Variants in TENM1 observed in about 807,000 individuals in gnomAD.
TENM1 encodes the protein teneurin-1.
A neutral mutation model predicts 174.8 loss-of-function variants in TENM1; 35 were observed. That is an observed-to-expected ratio of 0.20 (90% CI 0.15 to 0.27). The LOEUF (loss-of-function observed/expected upper bound fraction) is 0.27, where lower values mean the gene tolerates loss of function less well. Ranked by LOEUF, TENM1 falls within the 10% of genes least tolerant of loss-of-function variation. The probability of loss-of-function intolerance (pLI) is 1.00; values close to 1 mark genes in which losing one functional copy is unlikely to be tolerated. For synonymous variants in TENM1, 781 were observed against 798.7 expected, an observed-to-expected ratio of 0.98 and a Z score of 0.37; for missense variants, 1,633 against 2,130.1, an observed-to-expected ratio of 0.77 and a Z score of 4.59.
intron 11 of TENM1, among the ~76,000 whole-genome samples, chrX:124,602,861 CT>C (rs1379409314): frequency 9.0e-6 from 1 of 111,379 alleles, no homozygotes; most frequent in Non-Finnish European, 1.9e-5. Context: ...GTCATAATTC[CT>C]AAATCCTGTG....
At chrX:124,636,666 A>C (rs1389225238) in intron 11 of TENM1, among the ~76,000 whole-genome samples, 3 of 112,130 alleles carry the variant, frequency 2.7e-5, no homozygotes, top group Non-Finnish European at 5.6e-5. Flanking sequence ...TGAGGGCTGA[A>C]AAGAATGCTA....
the TENM1 span, among the ~76,000 whole-genome samples, chrX:125,035,566 A>T: frequency 1.8e-5 from 2 of 111,176 alleles, no homozygotes; most frequent in Non-Finnish European, 3.8e-5. Flanking sequence ...TATATGCAGC[A>T]ACTCTACTGA....
chrX:125,010,102 T>A, the TENM1 span, among the ~76,000 whole-genome samples: 2 of 111,316 alleles, frequency 1.8e-5, no homozygotes, highest in African/African-American at 3.3e-5. Context: ...TGTTTGCAAA[T>A]GACATGATTC....
chrX:124,603,671 C>G (rs1197974654), intron 11 of TENM1, among the ~76,000 whole-genome samples: 1 of 111,713 alleles, frequency 9.0e-6, no homozygotes, highest in Non-Finnish European at 1.9e-5. Context: ...AACTTATGTT[C>G]TAAATAAGTC....
intron 16 of TENM1, among the ~76,000 whole-genome samples, chrX:124,526,887 A>C (rs1299381920): frequency 8.9e-6 from 1 of 112,236 alleles, no homozygotes; most frequent in Non-Finnish European, 1.9e-5. Flanking sequence ...CTTCTCAAGA[A>C]ACTTCTAAGA....
intron 20 of TENM1, among the ~76,000 whole-genome samples, chrX:124,494,419 C>T (rs1422920470): frequency 1.8e-5 from 2 of 111,589 alleles, no homozygotes; most frequent in African/African-American, 6.5e-5. Flanking sequence ...AGAAAGAAGG[C>T]TCTACCAGTT....
the TENM1 span, among the ~76,000 whole-genome samples, chrX:125,036,248 T>C: frequency 1.8e-5 from 2 of 112,081 alleles, no homozygotes; most frequent in Admixed American, 9.5e-5. Context: ...GTTGTTGCTT[T>C]TGTTATATTC....
intron 3 of TENM1, among the ~76,000 whole-genome samples, chrX:124,755,316 C>A (rs1323647907): frequency 9.0e-6 from 1 of 110,710 alleles, no homozygotes; most frequent in Admixed American, 9.6e-5. Flanking sequence ...GCAATCCCGG[C>A]CTTTTTTTGT....
the TENM1 span, among the ~76,000 whole-genome samples, chrX:124,977,965 TGTGAGAGAGAGAGAGAGAGA>T: frequency 0.02 from 292 of 14,593 alleles, 1 homozygote; most frequent in African/African-American, 0.054. Context: ...TGTGTGTGTG[TGTGAGAGAGAGAGAGAGAGA>T]GAGAGAGAGA....
chrX:125,083,829 T>C, the TENM1 span, among the ~76,000 whole-genome samples: 1 of 111,069 alleles, frequency 9.0e-6, no homozygotes, highest in East Asian at 2.8e-4. Context: ...CATGGTCTTA[T>C]TGCCCTGTTA....
intron 11 of TENM1, among the ~76,000 whole-genome samples, chrX:124,570,541 T>C (rs1186449047): frequency 9.0e-6 from 1 of 111,310 alleles, no homozygotes; most frequent in African/African-American, 3.3e-5. Context: ...TATTATAAGA[T>C]TGCTTTCACA....
rs1383936398 is a variant in TENM1 at position 124,634,744 on chromosome X, T to C, written c.2077+7047A>G. On this transcript the variant is annotated intron_variant, in intron 11 of 31. Transcript: ENST00000422452. The stretch of plus-strand genomic sequence containing the variant: ...AAAAATCTTTTGATTACTGGCACTT[T>C]CAATAAACGGGAGAACTAATAATGT... Among the ~76,000 whole-genome samples the C allele has an allele frequency of 4.5e-5, 5 of 112,154 alleles. No homozygotes were observed. In the Admixed American group the frequency reaches 4.7e-4, roughly 11 times the overall value.
chrX:124,445,836 G>A (rs1362697930), intron 23 of TENM1, among the ~76,000 whole-genome samples: 15 of 112,105 alleles, frequency 1.3e-4, no homozygotes. Context: ...GGCATCAGAT[G>A]GAAGTGAGTT....
At chrX:124,990,566 T>C in the TENM1 span, among the ~76,000 whole-genome samples, 3 of 112,837 alleles carry the variant, frequency 2.7e-5, no homozygotes, top group Non-Finnish European at 3.8e-5. Flanking sequence ...TTCTGAGACA[T>C]ACATAATATC....
chrX:125,116,889 T>C, the TENM1 span, among the ~76,000 whole-genome samples: 31 of 109,498 alleles, frequency 2.8e-4, no homozygotes, highest in Non-Finnish European at 5.5e-4. Flanking sequence ...TGTGCGCCTA[T>C]ATTCCCAGCC....
At chrX:124,872,902 G>A (rs1322011659) in intron 3 of TENM1, among the ~76,000 whole-genome samples, 1 of 111,540 alleles carries the variant, frequency 9.0e-6, no homozygotes, top group Non-Finnish European at 1.9e-5. Flanking sequence ...CAATCAATAT[G>A]AGCAGGTGAC....
chrX:124,757,465 C>T (rs2054289480), intron 3 of TENM1, among the ~76,000 whole-genome samples: 1 of 112,654 alleles, frequency 8.9e-6, no homozygotes, highest in Admixed American at 9.3e-5. Flanking sequence ...CAATGCCTCG[C>T]CGTGCTTCGG....
intron 1 of TENM1, among the ~76,000 whole-genome samples, chrX:124,915,898 C>T (rs775064978): frequency 8.9e-5 from 10 of 112,344 alleles, no homozygotes; most frequent in Admixed American, 6.6e-4. Context: ...TAGAGAACAA[C>T]CAAAGGCTTG....
intron 1 of TENM1, among the ~76,000 whole-genome samples, chrX:124,900,593 A>T (rs2057643621): frequency 9.0e-6 from 1 of 111,350 alleles, no homozygotes; most frequent in African/African-American, 3.3e-5. Flanking sequence ...ACACCACCAG[A>T]TATTAAAACA....
Sources: gnomAD v4.1 joint callset for allele counts (sites outside exome capture counted in the v4.1 genomes callset) on GRCh38, gnomAD v4.1.1 for gene constraint, MANE v1.5 for transcripts, NCBI Gene and HGNC (gene_info 2026-07-23, HGNC 2026-07-21) for gene names.